CEMIP2: variants seen among roughly 807,000 people sequenced by gnomAD.
The protein encoded by CEMIP2 is cell surface hyaluronidase CEMIP2.
A neutral mutation model predicts 146.9 loss-of-function variants in CEMIP2; 79 were observed. The observed-to-expected ratio is 0.54, with a 90% CI of 0.45 to 0.65. The LOEUF (loss-of-function observed/expected upper bound fraction) is 0.65. Among genes scored for constraint, CEMIP2 ranks in the 30% least tolerant of loss-of-function variants. The pLI is 0.00. For missense variants in CEMIP2, 1,596 were observed against 1,696.2 expected (o/e 0.94, Z 1.04); for synonymous variants, 601 against 606.3 (o/e 0.99, Z 0.13).
At chr9:71,729,446 C>G (rs186858159) in intron 10 of CEMIP2, among the ~76,000 whole-genome samples, 4 of 151,846 alleles carry the variant, frequency 2.6e-5, no homozygotes, top group African/African-American at 9.7e-5. Context: ...GGTGAAACCC[C>G]GTCTCTACTA....
rs1453025782 is a variant in CEMIP2 at position 71,756,502 on chromosome 9, TCTCTCACACA to T, written c.-12-6127_-12-6118del. Among the ~76,000 whole-genome samples, 4 of 104,850 alleles carry T rather than the reference TCTCTCACACA, an allele frequency of 3.8e-5. No homozygotes were observed. The South Asian group carries it at 1.2e-3, about 32-fold the overall frequency. The allele number at this position is 104,850 out of a possible 152,430, so 68.8% of individuals were successfully genotyped here. Reference sequence around the variant, plus strand: ...CTCTCTCTCTCTCTCTCTCTCTCTCTCTCTCACACACACACACACACACACACACACAAAC... The same window carrying T: ...CTCTCTCTCTCTCTCTCTCTCTCTCTCACACACACACACACACACACAAAC... On this transcript the variant is annotated intron_variant, in intron 1 of 23. Transcript: ENST00000377044.
At chr9:71,734,683 A>G in intron 6 of CEMIP2, 123 bp downstream of exon 6, 2 of 846,334 alleles carry the variant, frequency 2.4e-6, no homozygotes, top group Non-Finnish European at 3.5e-6. Context: ...ATGACTTTCA[A>G]TACTGATGAT....
At chr9:71,687,230 T>C (rs1320136643) in intron 22 of CEMIP2, 1 of 152,222 alleles carries the variant, frequency 6.6e-6, no homozygotes, top group Non-Finnish European at 1.5e-5. Context: ...AAGTACCTTT[T>C]GGGACACTAA....
At chr9:71,724,627 A>C (rs960638418) in intron 11 of CEMIP2, among the ~76,000 whole-genome samples, 1 of 152,226 alleles carries the variant, frequency 6.6e-6, no homozygotes, top group African/African-American at 2.4e-5. Context: ...GTGAGCACAA[A>C]ATAAACCAAA....
chr9:71,757,439 C>A (rs987929763), intron 1 of CEMIP2, among the ~76,000 whole-genome samples: 2 of 152,172 alleles, frequency 1.3e-5, no homozygotes, highest in African/African-American at 4.8e-5. Context: ...AGTTTCAGTA[C>A]AACTGGCCAA....
chr9:71,748,170 CTTAA>C (rs1824142160), intron 2 of CEMIP2, among the ~76,000 whole-genome samples: 1 of 152,136 alleles, frequency 6.6e-6, no homozygotes, highest in South Asian at 2.1e-4. Flanking sequence ...TATAATTTCT[CTTAA>C]TTGTTTTTAA....
chr9:71,755,268 TG>T (rs1464932738), intron 1 of CEMIP2, among the ~76,000 whole-genome samples: 2 of 150,486 alleles, frequency 1.3e-5, no homozygotes, highest in African/African-American at 2.5e-5. Context: ...CTCAGTGCTT[TG>T]GGGGGTCAAT....
chr9:71,702,316 C>T (rs890778922), intron 18 of CEMIP2, among the ~76,000 whole-genome samples: 1 of 143,402 alleles, frequency 7.0e-6, no homozygotes, highest in African/African-American at 2.6e-5. Context: ...AAAAAAATAA[C>T]CCCACTAAAG....
chr9:71,709,625 A>G, intron 16 of CEMIP2, 151 bp from the exon 17 acceptor site: 1 of 652,288 alleles, frequency 1.5e-6, no homozygotes, highest in South Asian at 1.9e-5. Context: ...ATGGCACTCA[A>G]GTCAGCCTGA....
chr9:71,720,141 G>A (rs1017384311), intron 12 of CEMIP2, among the ~76,000 whole-genome samples: 1 of 152,128 alleles, frequency 6.6e-6, no homozygotes, highest in African/African-American at 2.4e-5. Flanking sequence ...TGCTTTAAAT[G>A]TACTAGGTGG....
At chr9:71,757,949 A>T (rs1377300648) in intron 1 of CEMIP2, among the ~76,000 whole-genome samples, 1 of 152,240 alleles carries the variant, frequency 6.6e-6, no homozygotes, top group African/African-American at 2.4e-5. Flanking sequence ...ATTAAGTGTG[A>T]CCAATACTCT....
chr9:71,716,402 T>G, intron 14 of CEMIP2, 115 bp downstream of exon 14: 1 of 880,788 alleles, frequency 1.1e-6, no homozygotes, highest in Non-Finnish European at 1.7e-6. Flanking sequence ...AAGAGGTTGC[T>G]AATTTTTTTT....
chr9:71,743,246 T>C (rs1823975639), intron 4 of CEMIP2, among the ~76,000 whole-genome samples: 3 of 152,142 alleles, frequency 2.0e-5, no homozygotes, highest in Admixed American at 2.0e-4. Context: ...GGAGCATGGC[T>C]CCCTTCGGTG....
chr9:71,685,875 C>T, intron 22 of CEMIP2, 29 bp from the exon 23 acceptor site: 1 of 1,498,888 alleles, frequency 6.7e-7, no homozygotes, highest in South Asian at 1.1e-5. Context: ...AAGTCAGAGC[C>T]AATTTCAATC....
chr9:71,711,923 A>C (rs1310194023), intron 16 of CEMIP2, among the ~76,000 whole-genome samples, 160 bp downstream of exon 16: 1 of 152,208 alleles, frequency 6.6e-6, no homozygotes, highest in African/African-American at 2.4e-5. Context: ...CCTTGAACTC[A>C]ATGGGAGAGA....
chr9:71,704,513 G>T, intron 18 of CEMIP2, 82 bp downstream of exon 18: 1 of 1,507,498 alleles, frequency 6.6e-7, no homozygotes. Context: ...TTTGCTTGCT[G>T]CAAAGGAGAC....
Position 71,717,911 on chromosome 9 carries a change from A to T in CEMIP2, c.2399+37T>A, listed in dbSNP as rs1443401230. 4 of 1,563,792 alleles carry T rather than the reference A, an allele frequency of 2.6e-6. No homozygotes were observed. In the Admixed American group the frequency reaches 7.5e-5, roughly 29 times the overall value. ...AAAAAAATCTGAAAAATAATACATCAGTGTCATCATATAATAACTTGGTAG... is the reference window on the plus strand; with the variant it reads ...AAAAAAATCTGAAAAATAATACATCTGTGTCATCATATAATAACTTGGTAG... On this transcript the variant is annotated intron_variant, in intron 13 of 23. Transcript: ENST00000377044.
At chr9:71,718,260 A>T (rs983351605) in intron 12 of CEMIP2, among the ~76,000 whole-genome samples, 181 bp from the exon 13 acceptor site, 1 of 152,212 alleles carries the variant, frequency 6.6e-6, no homozygotes, top group African/African-American at 2.4e-5. Flanking sequence ...TTTAACCACA[A>T]GTTTCCAGAG....
At chr9:71,769,333 C>T (rs996182145), upstream of CEMIP2, among the ~76,000 whole-genome samples, 2 of 152,248 alleles carry the variant, frequency 1.3e-5, no homozygotes, top group African/African-American at 4.8e-5. Context: ...GATTTCCACA[C>T]TCCCACAAAT....
Sources: allele counts gnomAD v4.1 joint callset (sites outside exome capture counted in the v4.1 genomes callset), GRCh38; gene constraint gnomAD v4.1.1; transcripts MANE v1.5; gene names NCBI Gene and HGNC (gene_info 2026-07-23, HGNC 2026-07-21).